Variants in NMT1 observed in about 807,000 individuals in gnomAD.
NMT1 encodes N-myristoyltransferase 1, also known as glycylpeptide N-tetradecanoyltransferase 1.
Under a neutral mutation model 63.4 loss-of-function variants are expected in NMT1, and 12 were observed. That is an observed-to-expected ratio of 0.19 (90% CI 0.12 to 0.31). NMT1 has a LOEUF of 0.31. Ranked by LOEUF, NMT1 falls within the 10% of genes least tolerant of loss-of-function variation. The pLI, the probability that NMT1 is intolerant of heterozygous loss-of-function variation, is 1.00. For synonymous variants in NMT1, 228 were observed against 234.3 expected, an observed-to-expected ratio of 0.97 and a Z score of 0.25; for missense variants, 432 against 634.6, an observed-to-expected ratio of 0.68 and a Z score of 3.43.
At chr17:45,102,461 G>T (rs529311526) in intron 8 of NMT1, among the ~76,000 whole-genome samples, 1 of 152,358 alleles carries the variant, frequency 6.6e-6, no homozygotes, top group East Asian at 1.9e-4. Context: ...GTGTAATAGT[G>T]TCTGGGTGGG....
At chr17:45,067,411 A>G (rs909527858) in intron 1 of NMT1, among the ~76,000 whole-genome samples, 3 of 152,184 alleles carry the variant, frequency 2.0e-5, no homozygotes, top group Non-Finnish European at 4.4e-5. Flanking sequence ...TCTCATCTCC[A>G]TCCTGCTCTC....
At chr17:45,074,216 A>C (rs1191121560) in intron 1 of NMT1, among the ~76,000 whole-genome samples, 2 of 90,552 alleles carry the variant, frequency 2.2e-5, no homozygotes, top group Non-Finnish European at 2.1e-5. Flanking sequence ...TTAAAAGATG[A>C]CTTTTTTTTT....
intron 3 of NMT1, among the ~76,000 whole-genome samples, chr17:45,090,434 A>G (rs1439199056): frequency 6.6e-6 from 1 of 151,802 alleles, no homozygotes; most frequent in East Asian, 1.9e-4. Flanking sequence ...TTTCCCACTC[A>G]TGTCAACGGA....
chr17:45,091,819 A>C (rs905788760), intron 3 of NMT1, among the ~76,000 whole-genome samples: 2 of 152,172 alleles, frequency 1.3e-5, no homozygotes, highest in African/African-American at 4.8e-5. Context: ...TGAGTCTAGG[A>C]GTTTGAGACC....
At chr17:45,093,892 G>T in intron 4 of NMT1, 89 bp downstream of exon 4, 1 of 1,061,686 alleles carries the variant, frequency 9.4e-7, no homozygotes, top group East Asian at 2.4e-5. Context: ...GTTTACTCGA[G>T]CCCTAGAGAG....
intron 7 of NMT1, 75 bp from the exon 8 acceptor site, chr17:45,099,330 T>C: frequency 9.9e-7 from 1 of 1,013,672 alleles, no homozygotes; most frequent in East Asian, 2.4e-5. Context: ...GCTGGCCAGC[T>C]GGGGTCTCCC....
intron 3 of NMT1, among the ~76,000 whole-genome samples, chr17:45,092,544 A>AC (rs1460815778): frequency 2.0e-5 from 3 of 151,558 alleles, no homozygotes; most frequent in Non-Finnish European, 4.4e-5. Context: ...CTGAAAAAAA[A>AC]AAAACAAAAC....
rs2054190720 is a variant in NMT1, at chr17:45,104,527, TGGGCTCA to T, written c.1333-328_1333-322del. 1.1e-5 allele frequency: 13 copies of T among 1,131,692 alleles called. No individual in the cohort carries two copies. Among genetic ancestry groups the T allele is most frequent in the Non-Finnish European group, 1.4e-5 (13 of 919,248 alleles). 70.1% of individuals were successfully genotyped at this position (1,131,692 alleles called of 1,614,324 possible). A position where few individuals can be genotyped will look rare whatever the true frequency, so the allele number is the denominator to read the frequency against. Reference sequence around the variant, plus strand: ...GACCAGAGCCAGCTTCTCAGAGGAATGGGCTCAGGGTTTGGACTCCAGAGAGGACTGT... The same window carrying T: ...GACCAGAGCCAGCTTCTCAGAGGAATGGGTTTGGACTCCAGAGAGGACTGT... On this transcript the variant is annotated intron_variant, in intron 10 of 11. Transcript: ENST00000258960. The surrounding 1 kb of genome is among the most constrained non-coding windows in gnomAD (Gnocchi z 4.2).
chr17:45,084,061 A>T (rs2054034279), intron 2 of NMT1, among the ~76,000 whole-genome samples: 1 of 152,240 alleles, frequency 6.6e-6, no homozygotes, highest in Non-Finnish European at 1.5e-5. Flanking sequence ...AAGAAAATGT[A>T]TGTAGTTTTA....
chr17:45,103,971 T>C lies in NMT1; in HGVS notation c.1332+95T>C. On this transcript the variant is annotated intron_variant, in intron 10 of 11. Transcript: ENST00000258960. This position sits in a 1 kb window ranked among gnomAD's most constrained non-coding sequence, Gnocchi z 4.8. ...TCCCGGGACGCAGCCTCCCATGGGC[T>C]GGAGGCTCTGAGCCCTCCTCATCTG... 1 of 1,600,360 alleles carries C rather than the reference T, an allele frequency of 6.2e-7. No individual in the cohort carries two copies. The highest frequency in any genetic ancestry group is 1.1e-5 in the South Asian group (1 of 90,700).
intron 1 of NMT1, among the ~76,000 whole-genome samples, chr17:45,080,833 C>A (rs539040231): frequency 4.1e-4 from 62 of 151,926 alleles, no homozygotes; most frequent in African/African-American, 1.4e-3. Flanking sequence ...ATGACGTGAT[C>A]TCAACTCACT....
At chr17:45,081,214 A>G (rs1239667159) in intron 1 of NMT1, among the ~76,000 whole-genome samples, 2 of 152,132 alleles carry the variant, frequency 1.3e-5, no homozygotes, top group Non-Finnish European at 2.9e-5. Context: ...TACATTTGGG[A>G]GGTGGAGGAA....
chr17:45,065,403 T>A (rs772228464), intron 1 of NMT1, among the ~76,000 whole-genome samples: 4 of 151,902 alleles, frequency 2.6e-5, no homozygotes, highest in Non-Finnish European at 5.9e-5. Flanking sequence ...GCGGGCGGGA[T>A]CATGAGGTCA....
chr17:45,082,495 CCA>C (rs1450793782), intron 2 of NMT1, among the ~76,000 whole-genome samples: 1 of 152,100 alleles, frequency 6.6e-6, no homozygotes, highest in African/African-American at 2.4e-5. Context: ...GCCATGAGTC[CCA>C]CAGAGTCTTT....
chr17:45,084,303 C>A (rs1038234452), intron 2 of NMT1, among the ~76,000 whole-genome samples: 5 of 150,996 alleles, frequency 3.3e-5, no homozygotes, highest in African/African-American at 1.2e-4. Flanking sequence ...ATAATTATTT[C>A]TCTTAGATTG....
Position 45,061,595 on chromosome 17 carries a change from G to A in NMT1, c.131+135G>A, listed in dbSNP as rs1380108708. 4.0e-6 allele frequency: 3 copies of A among 755,936 alleles called. No individual in the cohort carries two copies. In the South Asian group the frequency reaches 5.8e-5, roughly 15 times the overall value. 46.8% of individuals were successfully genotyped at this position (755,936 alleles called of 1,614,324 possible). A position where few individuals can be genotyped will look rare whatever the true frequency, so the allele number is the denominator to read the frequency against. Reference sequence around the variant, plus strand: ...TGGCTAAGTCACTAGGATTCTGCCTGGCGATTGGTTATTGCCTTTGTCATT... The same window carrying A: ...TGGCTAAGTCACTAGGATTCTGCCTAGCGATTGGTTATTGCCTTTGTCATT... On this transcript the variant is annotated intron_variant, in intron 1 of 11. Coordinates refer to ENST00000258960, the MANE Select transcript of NMT1 (RefSeq NM_021079.5).
rs578242412 is a variant in NMT1, at chr17:45,090,275, C to T, written c.386-3410C>T. On this transcript the variant is annotated intron_variant, in intron 3 of 11. Coordinates refer to ENST00000258960, the MANE Select transcript of NMT1 (RefSeq NM_021079.5). The stretch of plus-strand genomic sequence containing the variant: ...CTCTAGCCTGGGTGACAAAGCGAGT[C>T]CCTGTCTCAAAGATTAAAAAATAAA... Among the ~76,000 whole-genome samples the T allele has an allele frequency of 3.3e-5, 5 of 152,104 alleles. No homozygotes were observed. In the South Asian group the frequency reaches 1.0e-3, roughly 32 times the overall value.
chr17:45,065,701 G>A (rs2053898420), intron 1 of NMT1, among the ~76,000 whole-genome samples: 1 of 150,740 alleles, frequency 6.6e-6, no homozygotes, highest in African/African-American at 2.4e-5. Context: ...CCACTGTTGT[G>A]TGCTTTCCAC....
intron 3 of NMT1, chr17:45,093,483 C>G: frequency 1.8e-6 from 1 of 556,020 alleles, no homozygotes. Context: ...CAGTGATTGT[C>G]CTGAGGTTTT....
Sources: gnomAD v4.1 joint callset for allele counts (sites outside exome capture counted in the v4.1 genomes callset) on GRCh38, gnomAD v4.1.1 for gene constraint, Gnocchi (gnomAD v3.1) non-coding constraint, MANE v1.5 for transcripts, NCBI Gene and HGNC (gene_info 2026-07-23, HGNC 2026-07-21) for gene names.